The following CSF2RB variants were observed in gnomAD, a reference collection of about 807,000 sequenced individuals.
CSF2RB encodes colony stimulating factor 2 receptor subunit beta.
Under a neutral mutation model 67.2 loss-of-function variants are expected in CSF2RB, and 22 were observed. The ratio of observed to expected loss-of-function variants is 0.33; its 90% CI spans 0.23 to 0.47. CSF2RB has a LOEUF of 0.47. Among genes scored for constraint, CSF2RB ranks in the 20% least tolerant of loss-of-function variants. The pLI, the probability that CSF2RB is intolerant of heterozygous loss-of-function variation, is 1.00. For missense variants in CSF2RB, 1,113 were observed against 1,174.5 expected (o/e 0.95, Z 0.76); for synonymous variants, 507 against 482.9 (o/e 1.05, Z -0.65).
chr22:36,922,843 G>T, intron 2 of CSF2RB: 1 of 317,594 alleles, frequency 3.1e-6, no homozygotes, highest in Non-Finnish European at 6.0e-6. Context: ...GAGAGGAGGT[G>T]GGAGGTTGCA....
Position 36,922,414 on chromosome 22 carries a change from C to G in CSF2RB, c.76+131C>G, listed in dbSNP as rs939349416. The G allele has an allele frequency of 2.5e-5, 20 of 804,538 alleles. No homozygotes were observed. In the African/African-American group the frequency reaches 3.4e-4, roughly 14 times the overall value. 49.8% of individuals were successfully genotyped at this position (804,538 alleles called of 1,614,324 possible). On this transcript the variant is annotated intron_variant, in intron 2 of 13. Coordinates refer to ENST00000403662, the MANE Select transcript of CSF2RB (RefSeq NM_000395.3). ...TGCTCCCCTCCCTCTGTCTCTCCCC[C>G]TGGCCTTCCCTGGGCCTCCCCCGCT...
At chr22:36,926,518 A>G (rs1205657347) in intron 4 of CSF2RB, among the ~76,000 whole-genome samples, 1 of 152,144 alleles carries the variant, frequency 6.6e-6, no homozygotes, top group Non-Finnish European at 1.5e-5. Flanking sequence ...CTCTGAAGCA[A>G]CCCATTTCCT....
At chr22:36,925,082 C>G (rs770107257) in intron 3 of CSF2RB, among the ~76,000 whole-genome samples, 1 of 152,262 alleles carries the variant, frequency 6.6e-6, no homozygotes, top group Non-Finnish European at 1.5e-5. Context: ...CTCACCCGAG[C>G]TGCGCTGCTG....
intron 1 of CSF2RB, among the ~76,000 whole-genome samples, chr22:36,916,848 G>A (rs976046574): frequency 6.6e-6 from 1 of 152,034 alleles, no homozygotes; most frequent in Non-Finnish European, 1.5e-5. Context: ...AACAGAGTGA[G>A]ACTCCAACTC....
intron 1 of CSF2RB, among the ~76,000 whole-genome samples, chr22:36,920,568 G>T (rs1940833779): frequency 6.6e-6 from 1 of 152,198 alleles, no homozygotes; most frequent in Non-Finnish European, 1.5e-5. Flanking sequence ...ATGGTATGTT[G>T]TTACAGTAGC....
In CSF2RB at chr22:36,937,712, G is replaced by A. The variant is rs766906644; in HGVS notation, c.1904G>A (p.Gly635Glu). ...SLEYLCLPAG[G>E]QVQLVPLAQA... ...GAGTACCTGTGTCTGCCTGCTGGGG[G>A]GCAGGTGCAACTGGTCCCTCTGGCC... The change falls in exon 14 of 14, where the codon GGG (glycine) becomes GAG (glutamate). Residue 635 changes from glycine to glutamate, a missense_variant. Physicochemically the swap from Gly to Glu is moderately conservative, Grantham distance 98. This residue lies in a region of CSF2RB where 554 missense variants were observed against 517.9 expected (regional missense o/e 1.07). Coordinates refer to ENST00000403662, the MANE Select transcript of CSF2RB (RefSeq NM_000395.3). The surrounding 1 kb of genome is among the most constrained non-coding windows in gnomAD (Gnocchi z 4.6). The A allele has an allele frequency of 6.4e-7, 1 of 1,556,260 alleles. No individual in the cohort carries two copies. The highest frequency in any genetic ancestry group is 1.4e-5 in the African/African-American group (1 of 73,370).
At chr22:36,914,021 G>A (rs1940655120) in intron 1 of CSF2RB, among the ~76,000 whole-genome samples, 1 of 152,130 alleles carries the variant, frequency 6.6e-6, no homozygotes, top group Admixed American at 6.5e-5. Context: ...GGCACCTATA[G>A]TCTGTCTTCG....
At position 36,938,004 on chromosome 22, in the gene CSF2RB, C is replaced by T. The variant is rs1345851238; in HGVS notation, c.2196C>T (p.Pro732=). The T allele has an allele frequency of 1.2e-6, 2 of 1,614,036 alleles. No individual in the cohort carries two copies. Among genetic ancestry groups the T allele is most frequent in the African/African-American group, 2.7e-5 (2 of 74,924 alleles). ...GGGCCTCGTCTGTCTCCCTAGTTCC[C>T]TCTCTGGGCCTCCCCTCAGACCAGA... ...NSGASSVSLV[P]SLGLPSDQTP... Residue 732 remains proline, a synonymous_variant, in exon 14 of 14, where the codon CCC becomes CCT. Coordinates refer to ENST00000403662, the MANE Select transcript of CSF2RB (RefSeq NM_000395.3).
At position 36,936,560 on chromosome 22, in the gene CSF2RB, A is replaced by G. The variant is rs1260119479; in HGVS notation, c.1476A>G (p.Ala492=). The change falls in exon 13 of 14, where the codon GCA becomes GCG. Residue 492 remains alanine, a synonymous_variant. Transcript: ENST00000403662. ...SKSHLFQNGS[A]ELWPPGSMSA... ...CTCTGCTCTTGCAGAACGGGAGCGCAGAGCTTTGGCCCCCAGGCAGCATGT... is the reference window on the plus strand; with the variant it reads ...CTCTGCTCTTGCAGAACGGGAGCGCGGAGCTTTGGCCCCCAGGCAGCATGT... 5.0e-6 allele frequency: 8 copies of G among 1,612,804 alleles called. No individual in the cohort carries two copies. The highest frequency in any genetic ancestry group is 1.3e-5 in the African/African-American group (1 of 74,894).
At position 36,924,345 on chromosome 22, in the gene CSF2RB, T is replaced by C. The variant is rs1301820595; in HGVS notation, c.200+978T>C. On this transcript the variant is annotated intron_variant, in intron 3 of 13. Coordinates refer to ENST00000403662, the MANE Select transcript of CSF2RB (RefSeq NM_000395.3). ...GTCTGAGGCCTGAGACACGATGCTG[T>C]CTGGTCCTGTTGCTCAGGAACATCA... Among the ~76,000 whole-genome samples the C allele has an allele frequency of 4.0e-5, 6 of 151,558 alleles. No homozygotes were observed. The South Asian group carries it at 6.3e-4, about 16-fold the overall frequency.
chr22:36,936,583 T>A lies in CSF2RB; in HGVS notation c.1499T>A (p.Met500Lys), dbSNP rs772436327. 4 of 1,613,404 alleles carry A rather than the reference T, an allele frequency of 2.5e-6. No individual in the cohort carries two copies. In the East Asian group the frequency reaches 8.9e-5, roughly 36 times the overall value. Residue 500 changes from methionine to lysine, a missense_variant, in exon 13 of 14, where the codon ATG becomes AAG. Coordinates refer to ENST00000403662, the MANE Select transcript of CSF2RB (RefSeq NM_000395.3). ...GCAGAGCTTTGGCCCCCAGGCAGCATGTCGGCCTTCACTAGCGGGAGTCCC... is the reference window on the plus strand; with the variant it reads ...GCAGAGCTTTGGCCCCCAGGCAGCAAGTCGGCCTTCACTAGCGGGAGTCCC... ...GSAELWPPGS[M>K]SAFTSGSPPH...
Position 36,930,344 on chromosome 22 carries a change from C to G in CSF2RB, c.719-31C>G, listed in dbSNP as rs369673162. 3.1e-6 allele frequency: 5 copies of G among 1,613,044 alleles called. No individual in the cohort carries two copies. The South Asian group carries it at 5.5e-5, about 18-fold the overall frequency. ...TGAGAGCTATGGGAGGGATGAATGA[C>G]GGAGTACATGAGGACCTGTCTCCAA... On this transcript the variant is annotated intron_variant, in intron 6 of 13. Coordinates refer to ENST00000403662, the MANE Select transcript of CSF2RB (RefSeq NM_000395.3).
At chr22:36,919,441 C>G (rs1940800074) in intron 1 of CSF2RB, among the ~76,000 whole-genome samples, 1 of 152,074 alleles carries the variant, frequency 6.6e-6, no homozygotes, top group Non-Finnish European at 1.5e-5. Flanking sequence ...GAGACAGAGT[C>G]TCAGGCTGGA....
intron 1 of CSF2RB, among the ~76,000 whole-genome samples, chr22:36,917,183 C>G (rs1008163400): frequency 6.6e-6 from 1 of 152,232 alleles, no homozygotes; most frequent in South Asian, 2.1e-4. Context: ...TCAGCTTATC[C>G]TTTTTTCCCT....
intron 3 of CSF2RB, among the ~76,000 whole-genome samples, chr22:36,924,487 G>A (rs1369576619): frequency 3.3e-5 from 5 of 152,046 alleles, no homozygotes; most frequent in Non-Finnish European, 4.4e-5. Flanking sequence ...GGAGTGCAGC[G>A]CCTGGGCATC....
chr22:36,933,025 A>C (rs1411041431), intron 9 of CSF2RB, 121 bp downstream of exon 9: 2 of 1,211,494 alleles, frequency 1.7e-6, no homozygotes, highest in African/African-American at 3.0e-5. Flanking sequence ...AGAGGTAGCC[A>C]CTGGGACGTG....
chr22:36,920,827 G>A (rs1940842803), intron 1 of CSF2RB, among the ~76,000 whole-genome samples: 1 of 152,150 alleles, frequency 6.6e-6, no homozygotes, highest in South Asian at 2.1e-4. Context: ...TTGGGGAATG[G>A]TGTAAAATGG....
At chr22:36,927,042 C>G (rs1319257443) in intron 4 of CSF2RB, among the ~76,000 whole-genome samples, 2 of 152,190 alleles carry the variant, frequency 1.3e-5, no homozygotes. Flanking sequence ...CTCTCTACTG[C>G]TGCTGGCAGA....
In CSF2RB at chr22:36,936,564, C is replaced by G. The variant is rs1251544506; in HGVS notation, c.1480C>G (p.Leu494Val). 1.9e-6 allele frequency: 3 copies of G among 1,612,930 alleles called. No individual in the cohort carries two copies. The highest frequency in any genetic ancestry group is 2.5e-6 in the Non-Finnish European group (3 of 1,179,994). The part of the protein sequence containing the change: ...SHLFQNGSAE[L>V]WPPGSMSAFT... ...GCTCTTGCAGAACGGGAGCGCAGAG[C>G]TTTGGCCCCCAGGCAGCATGTCGGC... The change falls in exon 13 of 14, where the codon CTT becomes GTT. Residue 494 changes from leucine (L) to valine (V), a missense_variant. Physicochemically the swap from Leu to Val is conservative, Grantham distance 32 (BLOSUM62 1). Transcript: ENST00000403662.
Sources: gnomAD v4.1 joint callset for allele counts (sites outside exome capture counted in the v4.1 genomes callset) on GRCh38, gnomAD v4.1.1 for gene constraint, gnomAD v4.1.1 regional missense constraint, Gnocchi (gnomAD v3.1) non-coding constraint, MANE v1.5 for transcripts, NCBI Gene and HGNC (gene_info 2026-07-23, HGNC 2026-07-21) for gene names.